Variants in PLPP1 observed in about 807,000 individuals in gnomAD.
The protein encoded by PLPP1 is phospholipid phosphatase 1.
In PLPP1, 24 loss-of-function variants were observed where a neutral mutation model predicts 31.2. The observed-to-expected ratio is 0.77, with a 90% CI of 0.56 to 1.08. The LOEUF is 1.08. Ranked by LOEUF, PLPP1 falls within the 50% of genes least tolerant of loss-of-function variation. PLPP1 has a pLI of 0.00. For missense variants in PLPP1, 319 were observed against 342.7 expected, an observed-to-expected ratio of 0.93 and a Z score of 0.55; for synonymous variants, 146 against 126.3, an observed-to-expected ratio of 1.16 and a Z score of -1.05.
chr5:55,524,611 A>C (rs1753741049), intron 1 of PLPP1, among the ~76,000 whole-genome samples: 1 of 152,138 alleles, frequency 6.6e-6, no homozygotes, highest in Non-Finnish European at 1.5e-5. Context: ...GGAGTTTCAG[A>C]CTAGCCTGGC....
chr5:55,468,006 A>G lies in PLPP1; in HGVS notation c.354T>C (p.Ile118=), dbSNP rs1752341162. 6.2e-7 allele frequency: 1 copy of G among 1,614,198 alleles called. No homozygotes were observed. Among genetic ancestry groups the G allele is most frequent in the African/African-American group, 1.3e-5 (1 of 75,064 alleles). Reference sequence around the variant, plus strand: ...GCAGTCTGCCTATTGAATACTTGGCAATGTCAGTCAGGGACTGACTAGCAG... The same window carrying G: ...GCAGTCTGCCTATTGAATACTTGGCGATGTCAGTCAGGGACTGACTAGCAG... ...GAAASQSLTD[I]AKYSIGRLRP... The change falls in exon 3 of 6, where the codon ATT becomes ATC. Residue 118 remains isoleucine (I), a synonymous_variant. Coordinates refer to ENST00000307259, the MANE Select transcript of PLPP1 (RefSeq NM_003711.4).
chr5:55,511,547 A>C (rs1753407899), intron 1 of PLPP1, among the ~76,000 whole-genome samples: 1 of 152,086 alleles, frequency 6.6e-6, no homozygotes. Context: ...TAAGCAACCA[A>C]AATGTTAAAA....
At chr5:55,508,644 A>C (rs1753335970) in intron 1 of PLPP1, among the ~76,000 whole-genome samples, 1 of 152,246 alleles carries the variant, frequency 6.6e-6, no homozygotes, top group Non-Finnish European at 1.5e-5. Context: ...TTAATAACTC[A>C]TACTTGTACC....
At chr5:55,528,304 T>C (rs528796237) in intron 1 of PLPP1, among the ~76,000 whole-genome samples, 6 of 152,324 alleles carry the variant, frequency 3.9e-5, no homozygotes, top group Admixed American at 2.6e-4. Context: ...AAATCATTTA[T>C]CTACAATGGA....
intron 1 of PLPP1, among the ~76,000 whole-genome samples, chr5:55,494,324 T>C (rs1271793817): frequency 6.6e-6 from 1 of 152,262 alleles, no homozygotes; most frequent in East Asian, 1.9e-4. Flanking sequence ...ATAGAAATGA[T>C]ACAAAACTTG....
At chr5:55,437,981 T>C (rs1235341724) in intron 4 of PLPP1, among the ~76,000 whole-genome samples, 1 of 152,148 alleles carries the variant, frequency 6.6e-6, no homozygotes, top group Non-Finnish European at 1.5e-5. Flanking sequence ...TTTAGATAGG[T>C]GGGCAGCACT....
intron 3 of PLPP1, among the ~76,000 whole-genome samples, chr5:55,442,220 T>C (rs564313750): frequency 2.8e-4 from 43 of 152,358 alleles, no homozygotes; most frequent in African/African-American, 9.9e-4. Context: ...CTGGCACAAA[T>C]TGCCTTGACT....
chr5:55,471,834 T>G (rs1313192867), intron 2 of PLPP1, among the ~76,000 whole-genome samples: 1 of 152,188 alleles, frequency 6.6e-6, no homozygotes, highest in Non-Finnish European at 1.5e-5. Flanking sequence ...AATGAGCACA[T>G]AAGGCTGAGC....
At chr5:55,520,856 G>C (rs1354871953) in intron 1 of PLPP1, among the ~76,000 whole-genome samples, 1 of 152,206 alleles carries the variant, frequency 6.6e-6, no homozygotes. Context: ...GTGCCCAAAA[G>C]TTTACATTAT....
chr5:55,433,432 C>G (rs140968372), intron 4 of PLPP1, among the ~76,000 whole-genome samples: 1 of 32,334 alleles, frequency 3.1e-5, no homozygotes, highest in Non-Finnish European at 8.5e-5. Flanking sequence ...CCTAAAGACT[C>G]TACCAAAAAA....
chr5:55,506,487 G>A (rs1442565587), intron 1 of PLPP1, among the ~76,000 whole-genome samples: 1 of 152,082 alleles, frequency 6.6e-6, no homozygotes, highest in Non-Finnish European at 1.5e-5. Context: ...CTAACTTCCA[G>A]GGTCTCTATG....
intron 3 of PLPP1, among the ~76,000 whole-genome samples, chr5:55,460,569 C>T (rs1414858459): frequency 6.6e-6 from 1 of 152,166 alleles, no homozygotes; most frequent in Admixed American, 6.5e-5. Flanking sequence ...AACTTGACAA[C>T]TTACATGAAA....
At chr5:55,461,315 C>CT (rs1473939050) in intron 3 of PLPP1, among the ~76,000 whole-genome samples, 1 of 150,808 alleles carries the variant, frequency 6.6e-6, no homozygotes, top group Non-Finnish European at 1.5e-5. Context: ...TAGACAAAAA[C>CT]TTTACAAGAA....
chr5:55,483,882 A>T lies in PLPP1; in HGVS notation c.59-8432T>A, dbSNP rs942112071. 3.9e-5 allele frequency among the ~76,000 whole-genome samples: 6 copies of T among 152,174 alleles called. 1 individual carries two copies. The highest frequency in any genetic ancestry group is 1.4e-4 in the African/African-American group (6 of 41,438). ...TTTAAATAATGCATATTTCTGAATT[A>T]ACCTAGAACAAAGGTTTTTTGCATA... On this transcript the variant is annotated intron_variant, in intron 1 of 5. Coordinates refer to ENST00000307259, the MANE Select transcript of PLPP1 (RefSeq NM_003711.4).
At chr5:55,433,559 A>T (rs1229249628) in intron 4 of PLPP1, among the ~76,000 whole-genome samples, 1 of 142,170 alleles carries the variant, frequency 7.0e-6, no homozygotes, top group Admixed American at 7.1e-5. Context: ...GAGTGCAGTG[A>T]CACGATCTTG....
rs1416796827 is a variant in PLPP1 at position 55,467,985 on chromosome 5, T to C, written c.375A>G (p.Arg125=). The C allele has an allele frequency of 1.9e-6, 3 of 1,614,108 alleles. No individual in the cohort carries two copies. The highest frequency in any genetic ancestry group is 2.5e-6 in the Non-Finnish European group (3 of 1,180,026). The change falls in exon 3 of 6, where the codon AGA becomes AGG. Residue 125 remains arginine (R), a synonymous_variant. Coordinates refer to ENST00000307259, the MANE Select transcript of PLPP1 (RefSeq NM_003711.4). Reference sequence around the variant, plus strand: ...AAACATCCAAGAAGTGAGGCCGCAGTCTGCCTATTGAATACTTGGCAATGT... The same window carrying C: ...AAACATCCAAGAAGTGAGGCCGCAGCCTGCCTATTGAATACTTGGCAATGT... ...LTDIAKYSIG[R]LRPHFLDVCD...
chr5:55,485,086 A>T (rs1184482502), intron 1 of PLPP1: 1 of 152,134 alleles, frequency 6.6e-6, no homozygotes, highest in Non-Finnish European at 1.5e-5. Flanking sequence ...CATAAGTAAA[A>T]TGATTTCCTG....
rs75210236 is a variant in PLPP1 at position 55,481,946 on chromosome 5, C to T, written c.59-6496G>A. Among the ~76,000 whole-genome samples, 412 of 151,004 alleles carry T rather than the reference C, an allele frequency of 2.7e-3. 4 individuals carry two copies. The highest frequency in any genetic ancestry group is 9.5e-3 in the African/African-American group (393 of 41,332). On this transcript the variant is annotated intron_variant, in intron 1 of 5. Transcript: ENST00000307259. ...ACTATATTTCTACAATTCTAATAGA[C>T]GTTTCCTCCATATTTTAAGATATCT...
chr5:55,431,259 A>G (rs1341863847), intron 4 of PLPP1, among the ~76,000 whole-genome samples: 2 of 152,250 alleles, frequency 1.3e-5, no homozygotes, highest in African/African-American at 4.8e-5. Flanking sequence ...ATTACAGTCA[A>G]ACTGTCAAAA....
Sources: gnomAD v4.1 joint callset for allele counts (sites outside exome capture counted in the v4.1 genomes callset) on GRCh38, gnomAD v4.1.1 for gene constraint, MANE v1.5 for transcripts, NCBI Gene and HGNC (gene_info 2026-07-23, HGNC 2026-07-21) for gene names.